Variants in PARM1 observed in about 807,000 individuals in gnomAD.
PARM1 encodes the protein prostate androgen-regulated mucin-like protein 1.
Under a neutral mutation model 24.6 loss-of-function variants are expected in PARM1, and 14 were observed. That is an observed-to-expected ratio of 0.57 (90% CI 0.38 to 0.89). The LOEUF (loss-of-function observed/expected upper bound fraction) is 0.89. PARM1 is among the 40% of genes least tolerant of loss of function. The probability of loss-of-function intolerance (pLI) is 0.00; values close to 1 mark genes in which losing one functional copy is unlikely to be tolerated. For missense variants in PARM1, 362 were observed against 380.4 expected (o/e 0.95, Z 0.40); for synonymous variants, 179 against 156.6 (o/e 1.14, Z -1.07).
chr4:75,033,717 G>C (rs1177160006), intron 2 of PARM1, among the ~76,000 whole-genome samples, 166 bp from the exon 3 acceptor site: 2 of 152,134 alleles, frequency 1.3e-5, no homozygotes. Context: ...TTAAAATCCT[G>C]GGTTTTATTC....
chr4:74,955,769 C>T (rs114082633), intron 1 of PARM1, among the ~76,000 whole-genome samples: 2 of 152,346 alleles, frequency 1.3e-5, no homozygotes, highest in Non-Finnish European at 2.9e-5. Context: ...AATGGAGGAG[C>T]AGAATGCTCA....
intron 3 of PARM1, among the ~76,000 whole-genome samples, chr4:75,041,244 A>G (rs1723477620): frequency 6.6e-6 from 1 of 152,234 alleles, no homozygotes; most frequent in African/African-American, 2.4e-5. Flanking sequence ...AGAGGAAACG[A>G]TGGAAACAAT....
chr4:74,970,000 T>G (rs1721993326), intron 1 of PARM1: 1 of 152,130 alleles, frequency 6.6e-6, no homozygotes, highest in Non-Finnish European at 1.5e-5. Context: ...ACTGGCAGAT[T>G]TAAAAATCAC....
intron 3 of PARM1, among the ~76,000 whole-genome samples, chr4:75,037,117 A>C (rs1723386807): frequency 6.6e-6 from 1 of 152,184 alleles, no homozygotes; most frequent in South Asian, 2.1e-4. Context: ...AAATACTTTA[A>C]TTGACGTGTG....
intron 1 of PARM1, among the ~76,000 whole-genome samples, chr4:74,980,227 C>T (rs1018305501): frequency 5.9e-5 from 9 of 152,080 alleles, no homozygotes; most frequent in African/African-American, 9.7e-5. Context: ...TCATCATCTC[C>T]GCCCCAAAGC....
chr4:75,009,945 T>C lies in PARM1; in HGVS notation c.44-2480T>C, dbSNP rs376659756. On this transcript the variant is annotated intron_variant, in intron 1 of 3. Coordinates refer to ENST00000307428, the MANE Select transcript of PARM1 (RefSeq NM_015393.4). ...ACGAAAATGAGCAAAGGGTATGGCA[T>C]TTCCTCAAAAAAATTAAGCAAAAAA... 1.9e-4 allele frequency among the ~76,000 whole-genome samples: 29 copies of C among 152,326 alleles called. No homozygotes were observed. In the South Asian group the frequency reaches 5.8e-3, roughly 30 times the overall value.
At chr4:74,964,029 C>A (rs1430158901) in intron 1 of PARM1, among the ~76,000 whole-genome samples, 2 of 152,244 alleles carry the variant, frequency 1.3e-5, no homozygotes, top group East Asian at 3.9e-4. Context: ...TCTTTAACTG[C>A]AAATGACCCT....
chr4:74,995,337 G>A (rs1373770150), intron 1 of PARM1, among the ~76,000 whole-genome samples: 1 of 152,142 alleles, frequency 6.6e-6, no homozygotes, highest in Non-Finnish European at 1.5e-5. Context: ...GATGTGATGA[G>A]ATTGTGGACA....
chr4:75,007,843 G>A lies in PARM1; in HGVS notation c.44-4582G>A, dbSNP rs544325953. Among the ~76,000 whole-genome samples the A allele has an allele frequency of 1.8e-3, 279 of 152,268 alleles. 3 individuals carry two copies. Among genetic ancestry groups the A allele is most frequent in the Admixed American group, 0.017 (257 of 15,302 alleles). On this transcript the variant is annotated intron_variant, in intron 1 of 3. Coordinates refer to ENST00000307428, the MANE Select transcript of PARM1 (RefSeq NM_015393.4). ...AAGAACTTACTCTCTGTCTTCACTC[G>A]CATGCCATGTGAGGAAAGGTCACGT... is the stretch of plus-strand genomic sequence containing the variant.
At chr4:75,010,536 A>T (rs180916359) in intron 1 of PARM1, among the ~76,000 whole-genome samples, 105 of 152,234 alleles carry the variant, frequency 6.9e-4, no homozygotes, top group South Asian at 2.3e-3. Context: ...ATAAAAAATT[A>T]AAAAAAATTT....
chr4:74,966,395 G>A (rs1447033867), intron 1 of PARM1, among the ~76,000 whole-genome samples: 2 of 152,156 alleles, frequency 1.3e-5, no homozygotes, highest in Admixed American at 1.3e-4. Flanking sequence ...GGGGTGAATG[G>A]ATGGCAAATC....
chr4:74,979,204 AT>A (rs1392008891), intron 1 of PARM1, among the ~76,000 whole-genome samples: 8 of 151,994 alleles, frequency 5.3e-5, no homozygotes, highest in Middle Eastern at 3.2e-3. Context: ...TTTAAAAAAA[AT>A]ATTAAAATAG....
intron 1 of PARM1, among the ~76,000 whole-genome samples, chr4:75,010,437 G>A (rs542440205): frequency 4.9e-4 from 74 of 152,138 alleles, no homozygotes; most frequent in African/African-American, 1.6e-3. Context: ...GAATAATGAT[G>A]GTTGCACAAT....
At chr4:74,942,076 G>T (rs1013192889) in intron 1 of PARM1, among the ~76,000 whole-genome samples, 2 of 152,140 alleles carry the variant, frequency 1.3e-5, no homozygotes, top group African/African-American at 2.4e-5. Context: ...AGTGCCATGG[G>T]ACTAAACGTT....
At chr4:75,000,578 C>A (rs1325192561) in intron 1 of PARM1, among the ~76,000 whole-genome samples, 2 of 152,134 alleles carry the variant, frequency 1.3e-5, no homozygotes, top group African/African-American at 4.8e-5. Flanking sequence ...CAAGAGAGTT[C>A]CCTTTCTTAT....
intron 2 of PARM1, among the ~76,000 whole-genome samples, chr4:75,015,057 T>G (rs935596797): frequency 1.3e-5 from 2 of 152,162 alleles, no homozygotes; most frequent in Non-Finnish European, 2.9e-5. Flanking sequence ...CTGTACAACT[T>G]TTTCAGTTTT....
intron 3 of PARM1, among the ~76,000 whole-genome samples, chr4:75,039,717 T>G (rs1419206940): frequency 6.6e-6 from 1 of 152,108 alleles, no homozygotes; most frequent in African/African-American, 2.4e-5. Context: ...TAGCCCTGTT[T>G]TACCCATTTC....
chr4:74,952,797 G>A (rs1186648359), intron 1 of PARM1, among the ~76,000 whole-genome samples: 1 of 152,184 alleles, frequency 6.6e-6, no homozygotes, highest in African/African-American at 2.4e-5. Context: ...GTTAGCCAAT[G>A]TGAAAAGTGT....
intron 1 of PARM1, among the ~76,000 whole-genome samples, chr4:74,963,061 C>G (rs1721812665): frequency 6.6e-6 from 1 of 152,212 alleles, no homozygotes. Flanking sequence ...CTAGCACTCA[C>G]TCCATCCTGT....
Sources: allele counts gnomAD v4.1 joint callset (sites outside exome capture counted in the v4.1 genomes callset), GRCh38; gene constraint gnomAD v4.1.1; transcripts MANE v1.5; gene names NCBI Gene and HGNC (gene_info 2026-07-23, HGNC 2026-07-21).